HHATL: variants seen among roughly 807,000 people sequenced by gnomAD.
HHATL encodes protein-cysteine N-palmitoyltransferase HHAT-like protein.
Under a neutral mutation model 59.7 loss-of-function variants are expected in HHATL, and 49 were observed. That is an observed-to-expected ratio of 0.82 (90% confidence interval 0.65 to 1.04). The LOEUF is 1.04. HHATL is among the 50% of genes least tolerant of loss of function. The probability of loss-of-function intolerance (pLI) is 0.00; values close to 1 mark genes in which losing one functional copy is unlikely to be tolerated. For missense variants in HHATL, 605 were observed against 650.8 expected (o/e 0.93, Z 0.77); for synonymous variants, 238 against 257.3 (o/e 0.93, Z 0.72).
At position 42,701,050 on chromosome 3, in the gene HHATL, C is replaced by T. The variant is rs1559627454; in HGVS notation, c.-13-211G>A. The T allele has an allele frequency of 5.6e-6, 3 of 537,136 alleles. No homozygotes were observed. The highest frequency in any genetic ancestry group is 5.2e-5 in the South Asian group (2 of 38,550). 33.3% of individuals were successfully genotyped at this position (537,136 alleles called of 1,614,324 possible). Reference sequence around the variant, plus strand: ...GCCCCATCCCAGCTGCTGCTCTTGCCCCCACCCCACCCATCAAGGCTCTTG... The same window carrying T: ...GCCCCATCCCAGCTGCTGCTCTTGCTCCCACCCCACCCATCAAGGCTCTTG... On this transcript the variant is annotated intron_variant, in intron 1 of 11. Coordinates refer to ENST00000441594, the MANE Select transcript of HHATL (RefSeq NM_020707.4). This position sits in a 1 kb window ranked among gnomAD's most constrained non-coding sequence, Gnocchi z 5.1.
Position 42,696,985 on chromosome 3 carries a change from C to T in HHATL, c.1010+16G>A, listed in dbSNP as rs539136982. The T allele has an allele frequency of 1.9e-6, 3 of 1,611,304 alleles. No homozygotes were observed. The highest frequency in any genetic ancestry group is 2.2e-5 in the East Asian group (1 of 44,836). On this transcript the variant is annotated intron_variant, in intron 8 of 11. Coordinates refer to ENST00000441594, the MANE Select transcript of HHATL (RefSeq NM_020707.4). ...GTCCCAGGGGGTGAGCCTCCCCCGT[C>T]CTGGCCAGCACTCACGTTTCCGCAA...
rs1559618287 is a variant in HHATL, at chr3:42,693,634, G to T, written c.1231C>A (p.Pro411Thr). Residue 411 changes from proline (P) to threonine (T), a missense_variant, in exon 10 of 12, where the codon CCC becomes ACC. By Grantham distance (38) the Pro-to-Thr change is conservative. Coordinates refer to ENST00000441594, the MANE Select transcript of HHATL (RefSeq NM_020707.4). ...CTGCTCACCTCAATTCGTGCTAGGG[G>T]CCCCCACTCTGCCAGTTTTTGCATC... ...LWMQKLAEWG[P>T]LARIEASLSV... is the part of the protein sequence containing the mutation. 6.2e-7 allele frequency: 1 copy of T among 1,613,990 alleles called. No homozygotes were observed. Among genetic ancestry groups the T allele is most frequent in the African/African-American group, 1.3e-5 (1 of 75,022 alleles).
rs780256254 is a variant in HHATL, at chr3:42,701,195, G to A, written c.-13-356C>T. 2.6e-5 allele frequency: 6 copies of A among 234,240 alleles called. No homozygotes were observed. Among genetic ancestry groups the A allele is most frequent in the Admixed American group, 5.1e-5 (1 of 19,774 alleles). The allele number at this position is 234,240 out of a possible 1,614,324, so 14.5% of individuals were successfully genotyped here. A position where few individuals can be genotyped will look rare whatever the true frequency, so the allele number is the denominator to read the frequency against. On this transcript the variant is annotated intron_variant, in intron 1 of 11. Transcript: ENST00000441594. The surrounding 1 kb of genome is among the most constrained non-coding windows in gnomAD (Gnocchi z 5.1). Reference sequence around the variant, plus strand: ...TCCTGCCAAGGCCCCCATGACCTGCGTGCGGAGAAACCCCACCTCTATCAC... The same window carrying A: ...TCCTGCCAAGGCCCCCATGACCTGCATGCGGAGAAACCCCACCTCTATCAC...
chr3:42,702,338 G>A (rs1263825144), intron 1 of HHATL, among the ~76,000 whole-genome samples: 1 of 152,224 alleles, frequency 6.6e-6, no homozygotes, highest in Non-Finnish European at 1.5e-5. Flanking sequence ...TGGCCGGTGC[G>A]GGGTGTCCCC....
At chr3:42,693,889 C>A in intron 9 of HHATL, 71 bp from the exon 10 acceptor site, 2 of 1,293,008 alleles carry the variant, frequency 1.5e-6, no homozygotes, top group South Asian at 1.2e-5. Context: ...AGAGGACACA[C>A]AACAGGGCGT....
intron 9 of HHATL, among the ~76,000 whole-genome samples, chr3:42,695,384 G>A (rs1300802045): frequency 6.6e-6 from 1 of 152,172 alleles, no homozygotes; most frequent in African/African-American, 2.4e-5. Context: ...ATCTGGGAGA[G>A]CCCAATCACT....
chr3:42,695,952 C>T (rs1697593137), intron 9 of HHATL, among the ~76,000 whole-genome samples: 1 of 152,214 alleles, frequency 6.6e-6, no homozygotes, highest in Admixed American at 6.5e-5. Flanking sequence ...ACACATCCCT[C>T]TTCTCCCTCA....
At chr3:42,695,293 G>A (rs529722739) in intron 9 of HHATL, among the ~76,000 whole-genome samples, 154 of 152,140 alleles carry the variant, frequency 1.0e-3, no homozygotes, top group African/African-American at 3.6e-3. Context: ...CTTCACCACC[G>A]TCCTTAGCAG....
At position 42,697,697 on chromosome 3, in the gene HHATL, G is replaced by T; in HGVS notation, c.694-18C>A. On this transcript the variant is annotated intron_variant, in intron 6 of 11. Coordinates refer to ENST00000441594, the MANE Select transcript of HHATL (RefSeq NM_020707.4). ...TGGCTCACCTGGGGGGATGCGAAGGGTCTGAGGGAAGAGGCAAGCCCTGCC... is the reference window on the plus strand; with the variant it reads ...TGGCTCACCTGGGGGGATGCGAAGGTTCTGAGGGAAGAGGCAAGCCCTGCC... 1 of 1,608,046 alleles carries T rather than the reference G, an allele frequency of 6.2e-7. No homozygotes were observed. Among genetic ancestry groups the T allele is most frequent in the Non-Finnish European group, 8.5e-7 (1 of 1,175,512 alleles).
intron 2 of HHATL, among the ~76,000 whole-genome samples, chr3:42,700,033 T>G (rs551949177): frequency 5.9e-5 from 9 of 152,008 alleles, no homozygotes; most frequent in Admixed American, 2.0e-4. Context: ...TGTTGGGGTG[T>G]GTGTGTATAT....
chr3:42,699,973 T>G lies in HHATL; in HGVS notation c.107-148A>C. The G allele has an allele frequency of 2.6e-5, 17 of 650,162 alleles. No individual in the cohort carries two copies. In the South Asian group the frequency reaches 3.2e-4, roughly 12 times the overall value. The allele number at this position is 650,162 out of a possible 1,614,324, so 40.3% of individuals were successfully genotyped here. ...CTCTTTGGTGCTGCATCTGCTTCTT[T>G]CTGGGTCTCGCTGTGTGTCTGGGTC... On this transcript the variant is annotated intron_variant, in intron 2 of 11. Coordinates refer to ENST00000441594, the MANE Select transcript of HHATL (RefSeq NM_020707.4).
chr3:42,699,734 G>A, intron 3 of HHATL, 24 bp downstream of exon 3: 2 of 1,564,068 alleles, frequency 1.3e-6, no homozygotes, highest in African/African-American at 1.4e-5. Context: ...GGATGGGAGG[G>A]ACCCTGGGAT....
chr3:42,693,346 G>A (rs1037425755), intron 10 of HHATL, 128 bp from the exon 11 acceptor site: 4 of 1,192,368 alleles, frequency 3.4e-6, no homozygotes, highest in Non-Finnish European at 4.7e-6. Flanking sequence ...GAGAGCCCCA[G>A]GTCAGCTCTC....
At chr3:42,698,026 A>T in intron 6 of HHATL, 116 bp downstream of exon 6, 1 of 1,100,372 alleles carries the variant, frequency 9.1e-7, no homozygotes, top group Non-Finnish European at 1.3e-6. Flanking sequence ...TTCATCCTGG[A>T]ATCATGCCTG....
chr3:42,697,422 T>A, intron 7 of HHATL, 86 bp downstream of exon 7: 1 of 1,454,916 alleles, frequency 6.9e-7, no homozygotes. Flanking sequence ...GTGCCTCAGC[T>A]CCCCTGACTG....
Position 42,692,854 on chromosome 3 carries a change from G to A in HHATL, c.1412C>T (p.Ser471Phe), listed in dbSNP as rs763678611. ...GCCACAGTAGGTGACAAACAGGATG[G>A]ACAGCGTGGTCTGGGGGAACCCTGT... Reference protein sequence around the residue: ...LLTGFPQTTLSILFVTYCGVQ... With the variant: ...LLTGFPQTTLFILFVTYCGVQ... Residue 471 changes from serine to phenylalanine, a missense_variant, in exon 12 of 12, where the codon TCC becomes TTC. Coordinates refer to ENST00000441594, the MANE Select transcript of HHATL (RefSeq NM_020707.4). 1.4e-5 allele frequency: 22 copies of A among 1,614,190 alleles called. No individual in the cohort carries two copies. In the South Asian group the frequency reaches 2.3e-4, roughly 17 times the overall value.
At chr3:42,700,360 CTG>C (rs113288672) in intron 2 of HHATL, among the ~76,000 whole-genome samples, 38,550 of 133,582 alleles carry the variant, frequency 0.29, 5,432 homozygotes, top group African/African-American at 0.36. Context: ...GTCTAGGTCT[CTG>C]TGTGTGTGTG....
intron 10 of HHATL, 120 bp from the exon 11 acceptor site, chr3:42,693,338 G>A: frequency 3.9e-6 from 5 of 1,293,818 alleles, no homozygotes; most frequent in South Asian, 1.4e-5. Flanking sequence ...GGGTCTCGGA[G>A]AGCCCCAGGT....
Position 42,693,225 on chromosome 3 carries a change from G to C in HHATL, c.1249-7C>G. ...TCTGCACTGACAGAGAGGCCTATCC[G>C]GTCCAGGAAAGCATGGGCAGCGGGA... On this transcript the variant is annotated splice_polypyrimidine_tract_variant and splice_region_variant and intron_variant, in intron 10 of 11. Coordinates refer to ENST00000441594, the MANE Select transcript of HHATL (RefSeq NM_020707.4). 1 of 1,613,080 alleles carries C rather than the reference G, an allele frequency of 6.2e-7. No individual in the cohort carries two copies. Among genetic ancestry groups the C allele is most frequent in the South Asian group, 1.1e-5 (1 of 91,032 alleles).
Sources: allele counts gnomAD v4.1 joint callset (sites outside exome capture counted in the v4.1 genomes callset), GRCh38; gene constraint gnomAD v4.1.1; non-coding constraint Gnocchi (gnomAD v3.1); transcripts MANE v1.5; gene names NCBI Gene and HGNC (gene_info 2026-07-23, HGNC 2026-07-21).